The following ZNF432 variants were observed in gnomAD, a reference collection of about 807,000 sequenced individuals.
ZNF432 encodes zinc finger protein 432.
Under a neutral mutation model 13.9 loss-of-function variants are expected in ZNF432, and 10 were observed. The observed-to-expected ratio is 0.72, with a 90% CI of 0.44 to 1.22. The LOEUF is 1.22. Ranked by LOEUF, ZNF432 falls within the 50% of genes most tolerant of loss-of-function variation. The probability of loss-of-function intolerance (pLI) is 0.00; values close to 1 mark genes in which losing one functional copy is unlikely to be tolerated. For synonymous variants in ZNF432, 247 were observed against 256.2 expected (o/e 0.96, Z 0.34); for missense variants, 793 against 796.2 (o/e 1.00, Z 0.05).
In ZNF432 at chr19:52,035,263, G is replaced by C. The variant is rs1459216708; in HGVS notation, c.416C>G (p.Ser139Ter). ...GTTCTGGTTGACTAAACTTAAATTTGATTTCAAAGTTTTTATATATAACTC... is the reference window on the plus strand; with the variant it reads ...GTTCTGGTTGACTAAACTTAAATTTCATTTCAAAGTTTTTATATATAACTC... ...TFELYIKTLKSNLSLVNQNKS... is the reference protein window; with the variant it reads ...TFELYIKTLK The change falls in exon 5 of 5, where the codon TCA becomes TGA. Residue 139 changes from serine (S) to a stop codon, truncating the protein, a stop_gained. Transcript: ENST00000221315. LOFTEE classifies it low-confidence loss of function (END_TRUNC). 3 of 1,604,720 alleles carry C rather than the reference G, an allele frequency of 1.9e-6. No homozygotes were observed. In the African/African-American group the frequency reaches 4.0e-5, roughly 22 times the overall value.
Position 52,034,325 on chromosome 19 carries a change from T to C in ZNF432, c.1354A>G (p.Thr452Ala). Residue 452 changes from threonine (T) to alanine (A), a missense_variant, in exon 5 of 5, where the codon ACA becomes GCA. Coordinates refer to ENST00000221315, the MANE Select transcript of ZNF432 (RefSeq NM_014650.4). Reference sequence around the variant, plus strand: ...CTGCATGTGTAGGGCTTCTCTCCTGTATGAGTTCGCTGATGTATGATGAGC... The same window carrying C: ...CTGCATGTGTAGGGCTTCTCTCCTGCATGAGTTCGCTGATGTATGATGAGC... ...SMLIIHQRTH[T>A]GEKPYTCSEC... is the part of the protein sequence containing the mutation. The C allele has an allele frequency of 6.2e-7, 1 of 1,613,970 alleles. No homozygotes were observed. The highest frequency in any genetic ancestry group is 8.5e-7 in the Non-Finnish European group (1 of 1,179,878).
Position 52,034,465 on chromosome 19 carries a change from T to G in ZNF432, c.1214A>C (p.Glu405Ala). 6.2e-7 allele frequency: 1 copy of G among 1,614,146 alleles called. No individual in the cohort carries two copies. Among genetic ancestry groups the G allele is most frequent in the South Asian group, 1.1e-5 (1 of 91,080 alleles). Residue 405 changes from glutamate (E) to alanine (A), a missense_variant, in exon 5 of 5, where the codon GAA (glutamate) becomes GCA (alanine). Coordinates refer to ENST00000221315, the MANE Select transcript of ZNF432 (RefSeq NM_014650.4). ...HTGEKPYICS[E>A]CGKGFPRKSN... is the part of the protein sequence containing the mutation. ...CTTCCTGGGAAAGCCTTTTCCACAT[T>G]CACTGCATATGTAGGGTTTCTCTCC...
intron 2 of ZNF432, 42 bp from the exon 3 acceptor site, chr19:52,041,648 T>C: frequency 3.7e-6 from 6 of 1,613,364 alleles, no homozygotes; most frequent in Middle Eastern, 3.3e-4. Context: ...AGTGTTTCTC[T>C]TTTACTGACA....
intron 4 of ZNF432, among the ~76,000 whole-genome samples, chr19:52,037,864 C>G (rs1035481640): frequency 6.6e-6 from 1 of 151,674 alleles, no homozygotes; most frequent in African/African-American, 2.4e-5. Flanking sequence ...TCCTCATCTG[C>G]CACCAATAAC....
intron 4 of ZNF432, among the ~76,000 whole-genome samples, chr19:52,037,011 G>A (rs2087088745): frequency 1.3e-5 from 2 of 152,146 alleles, no homozygotes; most frequent in African/African-American, 4.8e-5. Context: ...GAAAGATGAA[G>A]GTACAGAACC....
In ZNF432 at chr19:52,032,106, CAA is replaced by C. The variant is rs969652521; in HGVS notation, c.*1612_*1613del. ...TTGTGAATCTAGAATTATTTCAAAA[CAA>C]ATTTTAGAAAAATAACATTTAAGGC... On this transcript the variant is annotated 3_prime_UTR_variant, in exon 5 of 5. Coordinates refer to ENST00000221315, the MANE Select transcript of ZNF432 (RefSeq NM_014650.4). The C allele has an allele frequency of 1.4e-4, 21 of 152,144 alleles. No homozygotes were observed. The highest frequency in any genetic ancestry group is 4.8e-4 in the African/African-American group (20 of 41,494). The allele number at this position is 152,144 out of a possible 1,614,324, so 9.4% of individuals were successfully genotyped here. A position where few individuals can be genotyped will look rare whatever the true frequency, so the allele number is the denominator to read the frequency against.
chr19:52,046,008 A>AG, intron 2 of ZNF432, among the ~76,000 whole-genome samples: 1 of 51,344 alleles, frequency 1.9e-5, no homozygotes, highest in Admixed American at 2.5e-4. Flanking sequence ...AACAAAAACC[A>AG]AAAAAAAAAA....
chr19:52,039,697 T>G (rs2087115607), intron 4 of ZNF432, among the ~76,000 whole-genome samples: 1 of 151,660 alleles, frequency 6.6e-6, no homozygotes, highest in Admixed American at 6.6e-5. Flanking sequence ...GGCATGATGG[T>G]GCGCGCCTGT....
At chr19:52,035,775 C>T (rs1185860108) in intron 4 of ZNF432, among the ~76,000 whole-genome samples, 4 of 152,078 alleles carry the variant, frequency 2.6e-5, no homozygotes, top group African/African-American at 9.7e-5. Flanking sequence ...TCCAGTGATA[C>T]CCCTACGTCG....
Position 52,034,099 on chromosome 19 carries a change from T to C in ZNF432, c.1580A>G (p.Asn527Ser). The change falls in exon 5 of 5, where the codon AAT becomes AGT. Residue 527 changes from asparagine to serine, a missense_variant. By Grantham distance (46) the Asn-to-Ser change is conservative. Coordinates refer to ENST00000221315, the MANE Select transcript of ZNF432 (RefSeq NM_014650.4). Reference protein sequence around the residue: ...ECGKGFAFKSNLVVHQRTHTG... With the variant: ...ECGKGFAFKSSLVVHQRTHTG... ...ATGAGTTCGCTGGTGTACAACAAGA[T>C]TGCTCTTAAAGGCAAAACCTTTTCC... 3.7e-6 allele frequency: 6 copies of C among 1,613,714 alleles called. No homozygotes were observed. The highest frequency in any genetic ancestry group is 5.1e-6 in the Non-Finnish European group (6 of 1,179,860).
In ZNF432 at chr19:52,047,057, T is replaced by C; in HGVS notation, c.-189A>G. 1 of 545,250 alleles carries C rather than the reference T, an allele frequency of 1.8e-6. No homozygotes were observed. 33.8% of individuals were successfully genotyped at this position (545,250 alleles called of 1,614,324 possible). The stretch of plus-strand genomic sequence containing the variant: ...CTCTTCCCAGGGTAGCCAGGACCTG[T>C]GGACTGAAGAGCAAAACAACTTTCA... On this transcript the variant is annotated 5_prime_UTR_variant, in exon 2 of 5. Coordinates refer to ENST00000221315, the MANE Select transcript of ZNF432 (RefSeq NM_014650.4).
At chr19:52,040,713 G>T in intron 3 of ZNF432, 130 bp from the exon 4 acceptor site, 4 of 694,646 alleles carry the variant, frequency 5.8e-6, no homozygotes, top group Non-Finnish European at 7.5e-6. Context: ...TCAGGAAAGG[G>T]CAGATTACAG....
At chr19:52,045,032 T>C (rs2087168257) in intron 2 of ZNF432, among the ~76,000 whole-genome samples, 1 of 152,146 alleles carries the variant, frequency 6.6e-6, no homozygotes, top group South Asian at 2.1e-4. Flanking sequence ...ATTCTCATTA[T>C]AAGAAAATTT....
rs1055641342 is a variant in ZNF432 at position 52,034,647 on chromosome 19, G to A, written c.1032C>T (p.Pro344=). The part of the protein sequence containing the change: ...IHQRTHTGEK[P]YICSECGKGF... Reference sequence around the variant, plus strand: ...CTTTCCCACATTCACTACAGATGTAGGGCTTCTCTCCTGTATGAGTTCGCT... The same window carrying A: ...CTTTCCCACATTCACTACAGATGTAAGGCTTCTCTCCTGTATGAGTTCGCT... Residue 344 remains proline (P), a synonymous_variant, in exon 5 of 5, where the codon CCC becomes CCT. Coordinates refer to ENST00000221315, the MANE Select transcript of ZNF432 (RefSeq NM_014650.4). The A allele has an allele frequency of 1.2e-6, 2 of 1,613,376 alleles. No individual in the cohort carries two copies. The highest frequency in any genetic ancestry group is 1.7e-6 in the Non-Finnish European group (2 of 1,179,768).
chr19:52,037,106 A>G (rs1041373182), intron 4 of ZNF432, among the ~76,000 whole-genome samples: 26 of 152,358 alleles, frequency 1.7e-4, no homozygotes, highest in African/African-American at 5.5e-4. Flanking sequence ...AGATCAGGGT[A>G]ATATGCTTAC....
At chr19:52,036,674 A>T (rs1445793876) in intron 4 of ZNF432, among the ~76,000 whole-genome samples, 1 of 152,082 alleles carries the variant, frequency 6.6e-6, no homozygotes, top group African/African-American at 2.4e-5. Context: ...AAAGGACTGA[A>T]TGACTTTTTT....
chr19:52,039,917 T>A (rs901864100), intron 4 of ZNF432, among the ~76,000 whole-genome samples: 3 of 151,912 alleles, frequency 2.0e-5, no homozygotes, highest in Non-Finnish European at 4.4e-5. Context: ...TTTTTTTTTT[T>A]AAGTGATACT....
chr19:52,044,903 C>T (rs992637914), intron 2 of ZNF432, among the ~76,000 whole-genome samples: 1 of 152,162 alleles, frequency 6.6e-6, no homozygotes, highest in Non-Finnish European at 1.5e-5. Flanking sequence ...TAAAACTACA[C>T]CACCTAAGGT....
intron 2 of ZNF432, among the ~76,000 whole-genome samples, chr19:52,046,359 A>G (rs1303216971): frequency 6.6e-6 from 1 of 152,206 alleles, no homozygotes; most frequent in African/African-American, 2.4e-5. Flanking sequence ...TCCCCTAAAA[A>G]AACTGTTTCC....
Sources: allele counts gnomAD v4.1 joint callset (sites outside exome capture counted in the v4.1 genomes callset), GRCh38; gene constraint gnomAD v4.1.1; transcripts MANE v1.5; gene names NCBI Gene and HGNC (gene_info 2026-07-23, HGNC 2026-07-21).